Variants in CHD5 observed in about 807,000 individuals in gnomAD.
CHD5 encodes chromodomain helicase DNA binding protein 5, also known as ATP-dependent chromatin remodeler CHD5.
A neutral mutation model predicts 230.3 loss-of-function variants in CHD5; 69 were observed. The observed-to-expected ratio is 0.30, with a 90% CI of 0.25 to 0.37. The LOEUF is 0.37. CHD5 is among the 10% of genes least tolerant of loss of function. The pLI, the probability that CHD5 is intolerant of heterozygous loss-of-function variation, is 1.00. For missense variants in CHD5, 1,827 were observed against 2,622.8 expected (o/e 0.70, Z 6.63); for synonymous variants, 1,064 against 1,065.9 (o/e 1.00, Z 0.03).
At position 6,167,939 on chromosome 1, in the gene CHD5, T is replaced by A. The variant is rs1667280459; in HGVS notation, c.207+211A>T. ...GAAAAATGACGCTCCGACATCCTGC[T>A]CCGGAAACAGGACAGCTCAGCAACG... On this transcript the variant is annotated intron_variant, in intron 2 of 41. Coordinates refer to ENST00000262450, the MANE Select transcript of CHD5 (RefSeq NM_015557.3). This position sits in a 1 kb window ranked among gnomAD's most constrained non-coding sequence, Gnocchi z 4.5. Among the ~76,000 whole-genome samples the A allele has an allele frequency of 6.6e-6, 1 of 152,170 alleles. No homozygotes were observed. The highest frequency in any genetic ancestry group is 2.4e-5 in the African/African-American group (1 of 41,420).
intron 38 of CHD5, among the ~76,000 whole-genome samples, chr1:6,108,153 GA>G (rs1158029189): frequency 6.9e-6 from 1 of 144,000 alleles, no homozygotes; most frequent in Non-Finnish European, 1.5e-5. Context: ...AGGAATGATG[GA>G]GGGGTGGAAA....
chr1:6,114,145 C>T (rs6676707), intron 33 of CHD5, among the ~76,000 whole-genome samples: 2 of 151,690 alleles, frequency 1.3e-5, no homozygotes, highest in Non-Finnish European at 2.9e-5. Flanking sequence ...CCTAGCTACT[C>T]GGGAGGTTGA....
rs766854816 is a variant in CHD5 at position 6,121,096 on chromosome 1, A to G, written c.4912+9T>C. 36 of 1,578,976 alleles carry G rather than the reference A, an allele frequency of 2.3e-5. No homozygotes were observed. The highest frequency in any genetic ancestry group is 3.0e-5 in the Non-Finnish European group (35 of 1,164,434). ...GCACTGGGGTGGGTGGCCTGCAAGA[A>G]GCCCCAACCTCTCGGCAGCTGCTCC... On this transcript the variant is annotated intron_variant, in intron 33 of 41. Transcript: ENST00000262450. The surrounding 1 kb of genome is among the most constrained non-coding windows in gnomAD (Gnocchi z 4.5).
chr1:6,128,483 C>A lies in CHD5; in HGVS notation c.3730+16G>T, dbSNP rs1666599566. The A allele has an allele frequency of 1.9e-6, 3 of 1,593,986 alleles. No individual in the cohort carries two copies. In the East Asian group the frequency reaches 6.7e-5, roughly 36 times the overall value. On this transcript the variant is annotated intron_variant, in intron 24 of 41. Transcript: ENST00000262450. This position sits in a 1 kb window ranked among gnomAD's most constrained non-coding sequence, Gnocchi z 7.8. ...GGTCGGAGGAGGAGCTGAGGCTGGG[C>A]TGGGTTGGCCCCTACCTGGCGGGGT...
Position 6,128,724 on chromosome 1 carries a change from G to T in CHD5, c.3619+114C>A. ...CCTAGCCAGGAGATACAGGTGGGGG[G>T]TGCAGAAGAGAGGCTGTGTGTTGGA... On this transcript the variant is annotated intron_variant, in intron 23 of 41. Coordinates refer to ENST00000262450, the MANE Select transcript of CHD5 (RefSeq NM_015557.3). The surrounding 1 kb of genome is among the most constrained non-coding windows in gnomAD (Gnocchi z 7.8). 1.6e-6 allele frequency: 2 copies of T among 1,248,272 alleles called. No individual in the cohort carries two copies. The highest frequency in any genetic ancestry group is 1.1e-6 in the Non-Finnish European group (1 of 869,766). 77.3% of individuals were successfully genotyped at this position (1,248,272 alleles called of 1,614,324 possible). A position where few individuals can be genotyped will look rare whatever the true frequency, so the allele number is the denominator to read the frequency against.
At chr1:6,149,478 C>T (rs930467794) in intron 7 of CHD5, 66 bp from the exon 8 acceptor site, 6 of 1,502,360 alleles carry the variant, frequency 4.0e-6, no homozygotes, top group Middle Eastern at 1.8e-4. Flanking sequence ...CCAACTGCAT[C>T]GCCCCAGGCC....
rs3810991 is a variant in CHD5 at position 6,102,573 on chromosome 1, C to T, written c.*2901G>A. ...TCTGGCTCCCATGTACCCGAGCCCA[C>T]TCTCCACTCCACCTCCTTGGGCCTC... is the stretch of plus-strand genomic sequence containing the variant. On this transcript the variant is annotated 3_prime_UTR_variant, in exon 42 of 42. Coordinates refer to ENST00000262450, the MANE Select transcript of CHD5 (RefSeq NM_015557.3). 14,552 of 152,366 alleles carry T rather than the reference C, an allele frequency of 0.096. 1,015 individuals carry two copies. The highest frequency in any genetic ancestry group is 0.35 in the East Asian group (1,832 of 5,162). The allele number at this position is 152,366 out of a possible 1,614,324, so 9.4% of individuals were successfully genotyped here. A position where few individuals can be genotyped will look rare whatever the true frequency, so the allele number is the denominator to read the frequency against.
At position 6,179,991 on chromosome 1, in the gene CHD5, C is replaced by A; in HGVS notation, c.33G>T (p.Leu11=). The part of the protein sequence containing the change: MRGPVGTEEE[L]PRLFAEEMEN... Reference sequence around the variant, plus strand: ...CCATCTCCTCGGCGAACAGCCGCGGCAGCTCCTCCTCGGTGCCCACTGGGC... The same window carrying A: ...CCATCTCCTCGGCGAACAGCCGCGGAAGCTCCTCCTCGGTGCCCACTGGGC... Residue 11 remains leucine, a synonymous_variant, in exon 1 of 42, where the codon CTG becomes CTT. Coordinates refer to ENST00000262450, the MANE Select transcript of CHD5 (RefSeq NM_015557.3). 7.2e-7 allele frequency: 1 copy of A among 1,389,590 alleles called. No individual in the cohort carries two copies. The highest frequency in any genetic ancestry group is 9.4e-7 in the Non-Finnish European group (1 of 1,059,994). 86.1% of individuals were successfully genotyped at this position (1,389,590 alleles called of 1,614,324 possible).
At chr1:6,160,836 C>G (rs1204001742) in intron 2 of CHD5, among the ~76,000 whole-genome samples, 1 of 152,222 alleles carries the variant, frequency 6.6e-6, no homozygotes, top group Admixed American at 6.5e-5. Context: ...GCGTTTACAA[C>G]CAGAGCACCC....
chr1:6,135,818 G>T lies in CHD5; in HGVS notation c.2697-415C>A, dbSNP rs181777169. On this transcript the variant is annotated intron_variant, in intron 17 of 41. Transcript: ENST00000262450. ...CCGTCGGGAGTTCAAGACCAGCCTG[G>T]CCAATATGATGAAACCCCAACTCTA... 3.2e-3 allele frequency among the ~76,000 whole-genome samples: 488 copies of T among 152,180 alleles called. 2 individuals are homozygous for T. The highest frequency in any genetic ancestry group is 0.011 in the African/African-American group (465 of 41,516).
intron 36 of CHD5, 114 bp from the exon 37 acceptor site, chr1:6,110,640 G>A (rs1400215192): frequency 6.3e-6 from 7 of 1,114,920 alleles, no homozygotes; most frequent in East Asian, 5.1e-5. Flanking sequence ...CTGGCTGTAC[G>A]CTCTCAGGCA....
In CHD5 at chr1:6,146,402, T is replaced by TCAC; in HGVS notation, c.1609_1611dup (p.Val537dup). 1 of 1,614,016 alleles carries TCAC rather than the reference T, an allele frequency of 6.2e-7. No homozygotes were observed. Among genetic ancestry groups the TCAC allele is most frequent in the Non-Finnish European group, 8.5e-7 (1 of 1,179,992 alleles). On this transcript the variant is annotated inframe_insertion, in exon 11 of 42. Coordinates refer to ENST00000262450, the MANE Select transcript of CHD5 (RefSeq NM_015557.3). The surrounding 1 kb of genome is among the most constrained non-coding windows in gnomAD (Gnocchi z 5.1). ...TTCTTTCTTTGGTAGTTGCGATACA[T>TCAC]CACCGTGTGGTACAGCTCCAGCTGC... is the stretch of plus-strand genomic sequence containing the variant.
chr1:6,126,714 C>T lies in CHD5; in HGVS notation c.3936G>A (p.Glu1312=). The change falls in exon 26 of 42, where the codon GAG becomes GAA. Residue 1312 remains glutamate (E), a synonymous_variant. Coordinates refer to ENST00000262450, the MANE Select transcript of CHD5 (RefSeq NM_015557.3). This position sits in a 1 kb window ranked among gnomAD's most constrained non-coding sequence, Gnocchi z 5.7. ...CCCAGTAGTCGGGGTCCACGTTCTCCTCCTGCTTGATGATTTCCCGCTCCA... is the reference window on the plus strand; with the variant it reads ...CCCAGTAGTCGGGGTCCACGTTCTCTTCCTGCTTGATGATTTCCCGCTCCA... ...EEVEREIIKQ[E]ENVDPDYWEK... 1 of 1,613,950 alleles carries T rather than the reference C, an allele frequency of 6.2e-7. No homozygotes were observed. The highest frequency in any genetic ancestry group is 8.5e-7 in the Non-Finnish European group (1 of 1,179,944).
chr1:6,134,228 T>C lies in CHD5; in HGVS notation c.3044A>G (p.Asp1015Gly). 6.2e-7 allele frequency: 1 copy of C among 1,613,700 alleles called. No individual in the cohort carries two copies. Among genetic ancestry groups the C allele is most frequent in the Non-Finnish European group, 8.5e-7 (1 of 1,179,990 alleles). Residue 1015 changes from aspartate (D) to glycine (G), a missense_variant, in exon 20 of 42, where the codon GAT (aspartate) becomes GGT (glycine). Transcript: ENST00000262450. This position sits in a 1 kb window ranked among gnomAD's most constrained non-coding sequence, Gnocchi z 6.3. Reference protein sequence around the residue: ...EAPVLPNGSYDGSSLVKSSGK... With the variant: ...EAPVLPNGSYGGSSLVKSSGK... Reference sequence around the variant, plus strand: ...TGAAGACTTGACCAGGGAGCTTCCATCGTAGGAGCCATTGGGCAAGACAGG... The same window carrying C: ...TGAAGACTTGACCAGGGAGCTTCCACCGTAGGAGCCATTGGGCAAGACAGG...
At chr1:6,107,301 A>G (rs1409295477) in intron 38 of CHD5, among the ~76,000 whole-genome samples, 3 of 98,792 alleles carry the variant, frequency 3.0e-5, no homozygotes, top group Middle Eastern at 0.01. Context: ...CGGAGTGGAG[A>G]GATGGAGGGA....
chr1:6,128,980 C>G lies in CHD5; in HGVS notation c.3477G>C (p.Thr1159=). ...GCATCATCTTGCGCTTGGCCACCTGCGTGATGCGCTCCTCCACCGAGGCCC... is the reference window on the plus strand; with the variant it reads ...GCATCATCTTGCGCTTGGCCACCTGGGTGATGCGCTCCTCCACCGAGGCCC... ...VTRASVEERI[T]QVAKRKMMLT... The change falls in exon 23 of 42, where the codon ACG becomes ACC. Residue 1159 remains threonine, a synonymous_variant. Coordinates refer to ENST00000262450, the MANE Select transcript of CHD5 (RefSeq NM_015557.3). The surrounding 1 kb of genome is among the most constrained non-coding windows in gnomAD (Gnocchi z 7.8). The G allele has an allele frequency of 6.2e-7, 1 of 1,612,468 alleles. No individual in the cohort carries two copies. The highest frequency in any genetic ancestry group is 8.5e-7 in the Non-Finnish European group (1 of 1,179,954).
At position 6,167,520 on chromosome 1, in the gene CHD5, C is replaced by T. The variant is rs185624874; in HGVS notation, c.207+630G>A. ...CATCTGCCAACCAGCGATCATCCCT[C>T]CCATGCCACCAATTTCCAGGGCTGA... On this transcript the variant is annotated intron_variant, in intron 2 of 41. Coordinates refer to ENST00000262450, the MANE Select transcript of CHD5 (RefSeq NM_015557.3). The surrounding 1 kb of genome is among the most constrained non-coding windows in gnomAD (Gnocchi z 4.5). Among the ~76,000 whole-genome samples, 49 of 152,362 alleles carry T rather than the reference C, an allele frequency of 3.2e-4. No homozygotes were observed. In the East Asian group the frequency reaches 7.5e-3, roughly 23 times the overall value.
chr1:6,110,270 C>A, intron 37 of CHD5, 124 bp downstream of exon 37: 1 of 1,127,666 alleles, frequency 8.9e-7, no homozygotes, highest in Non-Finnish European at 1.3e-6. Context: ...ACTGCTGCTT[C>A]GTGGCAGCGT....
Position 6,128,721 on chromosome 1 carries a change from G to A in CHD5, c.3620-112C>T. ...TGTCCTAGCCAGGAGATACAGGTGGGGGGTGCAGAAGAGAGGCTGTGTGTT... is the reference window on the plus strand; with the variant it reads ...TGTCCTAGCCAGGAGATACAGGTGGAGGGTGCAGAAGAGAGGCTGTGTGTT... On this transcript the variant is annotated intron_variant, in intron 23 of 41. Transcript: ENST00000262450. The surrounding 1 kb of genome is among the most constrained non-coding windows in gnomAD (Gnocchi z 7.8). 8.0e-7 allele frequency: 1 copy of A among 1,251,996 alleles called. No homozygotes were observed. The highest frequency in any genetic ancestry group is 1.1e-6 in the Non-Finnish European group (1 of 872,396). 77.6% of individuals were successfully genotyped at this position (1,251,996 alleles called of 1,614,324 possible).
Sources: allele counts gnomAD v4.1 joint callset (sites outside exome capture counted in the v4.1 genomes callset), GRCh38; gene constraint gnomAD v4.1.1; non-coding constraint Gnocchi (gnomAD v3.1); transcripts MANE v1.5; gene names NCBI Gene and HGNC (gene_info 2026-07-23, HGNC 2026-07-21).